FAM193A: variants seen among roughly 807,000 people sequenced by gnomAD.
The protein encoded by FAM193A is family with sequence similarity 193 member A.
Under a neutral mutation model 126.5 loss-of-function variants are expected in FAM193A, and 22 were observed. The observed-to-expected ratio is 0.17, with a 90% CI of 0.12 to 0.25. The LOEUF is 0.25. Among genes scored for constraint, FAM193A ranks in the 10% least tolerant of loss-of-function variants. FAM193A has a pLI of 1.00. For missense variants in FAM193A, 1,675 were observed against 1,672.8 expected (o/e 1.00, Z -0.02); for synonymous variants, 761 against 646.8 (o/e 1.18, Z -2.68).
chr4:2,651,441 T>C (rs922909821), intron 7 of FAM193A, among the ~76,000 whole-genome samples: 7 of 152,254 alleles, frequency 4.6e-5, no homozygotes, highest in South Asian at 2.1e-4. Context: ...AGGAAACTTA[T>C]AATCATGGCG....
At chr4:2,706,291 CTT>C (rs59143784) in intron 19 of FAM193A, among the ~76,000 whole-genome samples, 137 of 108,588 alleles carry the variant, frequency 1.3e-3, no homozygotes, top group Middle Eastern at 5.7e-3. Flanking sequence ...TTCTTTCTTT[CTT>C]TTTTTTTTTT....
intron 1 of FAM193A, among the ~76,000 whole-genome samples, chr4:2,589,965 T>C (rs1740428888): frequency 6.6e-6 from 1 of 150,784 alleles, no homozygotes; most frequent in African/African-American, 2.4e-5. Flanking sequence ...TGAAACCGCA[T>C]CTCTACTAAA....
intron 1 of FAM193A, among the ~76,000 whole-genome samples, chr4:2,565,657 G>A (rs1738898552): frequency 2.0e-5 from 3 of 152,168 alleles, no homozygotes; most frequent in African/African-American, 7.2e-5. Context: ...TGCAGAAAGA[G>A]TAACATGAGA....
At chr4:2,645,869 G>A (rs1745087215) in intron 6 of FAM193A, among the ~76,000 whole-genome samples, 1 of 152,164 alleles carries the variant, frequency 6.6e-6, no homozygotes, top group African/African-American at 2.4e-5. Flanking sequence ...ACAGAAAACT[G>A]TAACTATATT....
At chr4:2,643,425 A>G (rs1483423652) in intron 6 of FAM193A, among the ~76,000 whole-genome samples, 2 of 152,218 alleles carry the variant, frequency 1.3e-5, no homozygotes, top group East Asian at 3.8e-4. Flanking sequence ...TAAAGTATAT[A>G]TAACATAAAG....
At chr4:2,535,904 G>A (rs2108792602), upstream of FAM193A, among the ~76,000 whole-genome samples, 1 of 152,296 alleles carries the variant, frequency 6.6e-6, no homozygotes, top group African/African-American at 2.4e-5. Context: ...CCCGGTCCAA[G>A]ATTCGCCGGC....
At chr4:2,711,638 C>T (rs989910873) in intron 19 of FAM193A, among the ~76,000 whole-genome samples, 1 of 151,778 alleles carries the variant, frequency 6.6e-6, no homozygotes, top group Admixed American at 6.6e-5. Context: ...CCACGCCGAG[C>T]CTCCATTATT....
intron 2 of FAM193A, among the ~76,000 whole-genome samples, chr4:2,605,399 CTG>C (rs1194482844): frequency 2.0e-5 from 3 of 152,180 alleles, no homozygotes; most frequent in Non-Finnish European, 2.9e-5. Context: ...TGTAATCGTA[CTG>C]TGTGTTATTT....
Position 2,650,735 on chromosome 4 carries a change from T to C in FAM193A, c.1311+3903T>C, listed in dbSNP as rs919171485. On this transcript the variant is annotated intron_variant, in intron 7 of 20. Transcript: ENST00000637812. ...TGCAGTCAAGTTGTATTGCATTAGG[T>C]CATTGAAACCTCCCAAGTGCATAGG... 4.6e-5 allele frequency among the ~76,000 whole-genome samples: 7 copies of C among 152,092 alleles called. No individual in the cohort carries two copies. In the South Asian group the frequency reaches 1.0e-3, roughly 23 times the overall value.
At position 2,673,292 on chromosome 4, in the gene FAM193A, G is replaced by A. The variant is rs150301331; in HGVS notation, c.2331+920G>A. ...CTGGAACAGAAAGGGAGGAGGACAT[G>A]ACATGGAATGATTTTTTCCAGACCA... On this transcript the variant is annotated intron_variant, in intron 13 of 20. Transcript: ENST00000637812. 9.2e-5 allele frequency among the ~76,000 whole-genome samples: 14 copies of A among 152,286 alleles called. No homozygotes were observed. In the East Asian group the frequency reaches 2.3e-3, roughly 25 times the overall value.
intron 2 of FAM193A, among the ~76,000 whole-genome samples, chr4:2,613,964 G>A (rs998819052): frequency 4.6e-5 from 7 of 151,372 alleles, no homozygotes; most frequent in African/African-American, 7.3e-5. Flanking sequence ...TAGTAGAGAC[G>A]GGGTTTCACC....
intron 20 of FAM193A, among the ~76,000 whole-genome samples, chr4:2,725,613 C>T (rs1011500283): frequency 1.3e-5 from 2 of 151,920 alleles, no homozygotes; most frequent in Admixed American, 1.3e-4. Context: ...AAATTAACCT[C>T]TTAATGTTGT....
At chr4:2,650,942 C>T (rs1414321026) in intron 7 of FAM193A, among the ~76,000 whole-genome samples, 1 of 152,160 alleles carries the variant, frequency 6.6e-6, no homozygotes, top group Non-Finnish European at 1.5e-5. Flanking sequence ...CAGTAACAGA[C>T]GTGCAGATGG....
chr4:2,710,112 T>C (rs1268690781), intron 19 of FAM193A, among the ~76,000 whole-genome samples: 1 of 151,832 alleles, frequency 6.6e-6, no homozygotes, highest in Non-Finnish European at 1.5e-5. Flanking sequence ...ATTTTGTTAG[T>C]TTTTTAAAAT....
Position 2,645,565 on chromosome 4 carries a change from C to T in FAM193A, c.1164-1120C>T, listed in dbSNP as rs965830661. 2.0e-5 allele frequency among the ~76,000 whole-genome samples: 3 copies of T among 151,818 alleles called. No homozygotes were observed. The East Asian group carries it at 5.8e-4, about 29-fold the overall frequency. On this transcript the variant is annotated intron_variant, in intron 6 of 20. Coordinates refer to ENST00000637812, the MANE Select transcript of FAM193A (RefSeq NM_001366318.2). ...TTATTGAGGCATAGTTTCACCCTGTCTCCCAGGCTGGAGTGCAGTGGCGCG... is the reference window on the plus strand; with the variant it reads ...TTATTGAGGCATAGTTTCACCCTGTTTCCCAGGCTGGAGTGCAGTGGCGCG...
At chr4:2,689,765 T>A in intron 14 of FAM193A, 61 bp downstream of exon 14, 1 of 1,238,004 alleles carries the variant, frequency 8.1e-7, no homozygotes, top group African/African-American at 1.6e-5. Context: ...CTGACATCTT[T>A]GCCGTAGTCT....
At chr4:2,727,156 G>T (rs1720850682) in intron 20 of FAM193A, among the ~76,000 whole-genome samples, 1 of 152,132 alleles carries the variant, frequency 6.6e-6, no homozygotes, top group African/African-American at 2.4e-5. Context: ...CTACTCTGGA[G>T]GCTGAGGCAG....
intron 1 of FAM193A, among the ~76,000 whole-genome samples, chr4:2,587,517 C>A (rs1740299537): frequency 6.6e-6 from 1 of 152,096 alleles, no homozygotes; most frequent in Non-Finnish European, 1.5e-5. Context: ...CCTAGCAAAA[C>A]CTCGTCTCTG....
At chr4:2,690,100 T>C (rs1429368231) in intron 14 of FAM193A, among the ~76,000 whole-genome samples, 1 of 152,220 alleles carries the variant, frequency 6.6e-6, no homozygotes, top group African/African-American at 2.4e-5. Flanking sequence ...GACTTAAATC[T>C]GTGACTCACA....
Sources: allele counts gnomAD v4.1 joint callset (sites outside exome capture counted in the v4.1 genomes callset), GRCh38; gene constraint gnomAD v4.1.1; transcripts MANE v1.5; gene names NCBI Gene and HGNC (gene_info 2026-07-23, HGNC 2026-07-21).